Variants in VWA8 observed in about 807,000 individuals in gnomAD.
The protein encoded by VWA8 is von Willebrand factor A domain-containing protein 8.
Under a neutral mutation model 241.5 loss-of-function variants are expected in VWA8, and 221 were observed. The observed-to-expected ratio is 0.91, with a 90% confidence interval of 0.82 to 1.02. VWA8 has a LOEUF of 1.02. Ranked by LOEUF, VWA8 falls within the 50% of genes least tolerant of loss-of-function variation. The pLI is 0.00. For missense variants in VWA8, 2,322 were observed against 2,328.7 expected (o/e 1.00, Z 0.06); for synonymous variants, 852 against 827.1 (o/e 1.03, Z -0.52).
intron 12 of VWA8, among the ~76,000 whole-genome samples, chr13:41,851,958 T>C (rs1192292042): frequency 1.3e-5 from 2 of 152,186 alleles, no homozygotes; most frequent in African/African-American, 4.8e-5. Flanking sequence ...AGAAGTGGGA[T>C]TGCTGGATCA....
rs571796817 is a variant in VWA8 at position 41,799,746 on chromosome 13, T to TTTC, written c.2063+11476_2063+11478dup. On this transcript the variant is annotated intron_variant, in intron 17 of 44. Coordinates refer to ENST00000379310, the MANE Select transcript of VWA8 (RefSeq NM_015058.2). The stretch of plus-strand genomic sequence containing the variant: ...TATTCTGGTATTGCTTTTTACTTCA[T>TTTC]TTCTTCTTCTTTTTAAGTATTAGCT... Among the ~76,000 whole-genome samples, 15 of 152,298 alleles carry TTTC rather than the reference T, an allele frequency of 9.8e-5. No individual in the cohort carries two copies. The East Asian group carries it at 2.9e-3, about 29-fold the overall frequency.
At chr13:41,602,101 C>A (rs2044525411) in intron 40 of VWA8, among the ~76,000 whole-genome samples, 1 of 152,062 alleles carries the variant, frequency 6.6e-6, no homozygotes, top group African/African-American at 2.4e-5. Context: ...CTACACAAGG[C>A]CGTGTCCATG....
chr13:41,566,913 C>CT lies in VWA8; in HGVS notation c.*1283dup, dbSNP rs1213230704. On this transcript the variant is annotated 3_prime_UTR_variant, in exon 45 of 45. Transcript: ENST00000379310. ...GGGTGATAGAACAAATGGGTATTAT[C>CT]TTTTCTTCTTTCCTATAATTAATTA... is the stretch of plus-strand genomic sequence containing the variant. The CT allele has an allele frequency of 1.3e-5, 2 of 152,084 alleles. No individual in the cohort carries two copies. Among genetic ancestry groups the CT allele is most frequent in the Admixed American group, 6.6e-5 (1 of 15,264 alleles). 9.4% of individuals were successfully genotyped at this position (152,084 alleles called of 1,614,324 possible).
chr13:41,620,539 C>T (rs777147802), intron 37 of VWA8, among the ~76,000 whole-genome samples: 1 of 152,102 alleles, frequency 6.6e-6, no homozygotes, highest in African/African-American at 2.4e-5. Context: ...TCTTGCTTCT[C>T]TAGTTCTTTT....
intron 2 of VWA8, among the ~76,000 whole-genome samples, chr13:41,922,892 C>T (rs1876626091): frequency 6.6e-6 from 1 of 152,214 alleles, no homozygotes; most frequent in Non-Finnish European, 1.5e-5. Context: ...CCTCAAGGAT[C>T]TAGAACTAGA....
intron 43 of VWA8, among the ~76,000 whole-genome samples, chr13:41,573,619 G>GT (rs2044330092): frequency 1.0e-5 from 1 of 99,344 alleles, no homozygotes; most frequent in African/African-American, 4.5e-5. Context: ...GCATATATAT[G>GT]GTGTGTGTGT....
chr13:41,691,915 T>G lies in VWA8; in HGVS notation c.3699A>C (p.Glu1233Asp), dbSNP rs777340047. Reference protein sequence around the residue: ...EEAETYKMCKEFSHKNWLVFY... With the variant: ...EEAETYKMCKDFSHKNWLVFY... Reference sequence around the variant, plus strand: ...ACACCAGCCAGTTTTTGTGTGAAAATTCTTTACACATTTTATAAGTTTCCT... The same window carrying G: ...ACACCAGCCAGTTTTTGTGTGAAAAGTCTTTACACATTTTATAAGTTTCCT... Residue 1233 changes from glutamate to aspartate, a missense_variant, in exon 31 of 45, where the codon GAA becomes GAC. Coordinates refer to ENST00000379310, the MANE Select transcript of VWA8 (RefSeq NM_015058.2). 6.2e-7 allele frequency: 1 copy of G among 1,610,240 alleles called. No individual in the cohort carries two copies. Among genetic ancestry groups the G allele is most frequent in the Non-Finnish European group, 8.5e-7 (1 of 1,177,124 alleles).
intron 13 of VWA8, among the ~76,000 whole-genome samples, chr13:41,831,625 T>TTTG (rs1311941956): frequency 6.8e-6 from 1 of 148,080 alleles, no homozygotes; most frequent in African/African-American, 2.5e-5. Context: ...TTTTTTTTTT[T>TTTG]TTTTTTTTTT....
chr13:41,590,495 CTTCTT>C (rs979583293), intron 41 of VWA8, 140 bp downstream of exon 41: 5 of 888,554 alleles, frequency 5.6e-6, no homozygotes, highest in African/African-American at 1.8e-5. Flanking sequence ...TCTTCTTCTT[CTTCTT>C]TTTTTTTTTT....
chr13:41,770,180 G>C (rs2045808833), intron 20 of VWA8, among the ~76,000 whole-genome samples: 2 of 152,090 alleles, frequency 1.3e-5, no homozygotes, highest in African/African-American at 4.8e-5. Flanking sequence ...GGGCGCGGTG[G>C]CTCACGCCTG....
chr13:41,642,562 CAAAAAAAAA>C (rs1156882566), intron 37 of VWA8, among the ~76,000 whole-genome samples: 3 of 61,556 alleles, frequency 4.9e-5, no homozygotes, highest in Non-Finnish European at 1.0e-4. Context: ...CCGTCTCAAA[CAAAAAAAAA>C]AAAAAAAGAA....
chr13:41,873,456 A>G (rs1873739880), intron 9 of VWA8, among the ~76,000 whole-genome samples: 1 of 152,182 alleles, frequency 6.6e-6, no homozygotes, highest in African/African-American at 2.4e-5. Flanking sequence ...TAAAGAAAAA[A>G]AGAGAGAAGA....
At chr13:41,893,752 C>T (rs1038250155) in intron 4 of VWA8, among the ~76,000 whole-genome samples, 21 of 152,040 alleles carry the variant, frequency 1.4e-4, no homozygotes, top group Non-Finnish European at 2.5e-4. Flanking sequence ...AGTGTGGTGG[C>T]GGGCGCCTGT....
rs376391139 is a variant in VWA8 at position 41,782,700 on chromosome 13, G to C, written c.2277+1095C>G. 2.9e-4 allele frequency among the ~76,000 whole-genome samples: 44 copies of C among 152,072 alleles called. No individual in the cohort carries two copies. The East Asian group carries it at 6.5e-3, about 23-fold the overall frequency. The stretch of plus-strand genomic sequence containing the variant: ...CCAAGATTTTTATTAAGAATAATAT[G>C]TCTAGATACCTATAAAGTTAATATA... On this transcript the variant is annotated intron_variant, in intron 19 of 44. Transcript: ENST00000379310.
chr13:41,917,321 T>C (rs1876306386), intron 2 of VWA8, among the ~76,000 whole-genome samples: 6 of 152,154 alleles, frequency 3.9e-5, no homozygotes, highest in Admixed American at 3.9e-4. Context: ...AAAAAAGTCT[T>C]TGAAGCCAGA....
intron 4 of VWA8, among the ~76,000 whole-genome samples, chr13:41,906,145 TC>T (rs1875705182): frequency 6.6e-6 from 1 of 152,140 alleles, no homozygotes; most frequent in African/African-American, 2.4e-5. Flanking sequence ...TGCATTTTTT[TC>T]TTTTGTAATT....
intron 2 of VWA8, among the ~76,000 whole-genome samples, chr13:41,939,624 G>A (rs1381770860): frequency 6.6e-6 from 1 of 152,162 alleles, no homozygotes. Context: ...GAAGTTGACA[G>A]CTGCCTGTAG....
At chr13:41,700,628 G>A (rs186874554) in intron 28 of VWA8, among the ~76,000 whole-genome samples, 2 of 152,266 alleles carry the variant, frequency 1.3e-5, no homozygotes, top group Admixed American at 1.3e-4. Flanking sequence ...ATGCAGTTCA[G>A]TCTTTGTCTT....
intron 29 of VWA8, among the ~76,000 whole-genome samples, chr13:41,697,310 C>G (rs1162736572): frequency 6.6e-6 from 1 of 152,176 alleles, no homozygotes; most frequent in South Asian, 2.1e-4. Flanking sequence ...GCCTTAGCAC[C>G]TACAGACTAT....
Sources: gnomAD v4.1 joint callset for allele counts (sites outside exome capture counted in the v4.1 genomes callset) on GRCh38, gnomAD v4.1.1 for gene constraint, MANE v1.5 for transcripts, NCBI Gene and HGNC (gene_info 2026-07-23, HGNC 2026-07-21) for gene names.